DHRSX: variants seen among roughly 807,000 people sequenced by gnomAD.
The protein encoded by DHRSX is polyprenol dehydrogenase.
A neutral mutation model predicts 34.0 loss-of-function variants in DHRSX; 31 were observed. That is an observed-to-expected ratio of 0.91 (90% CI 0.69 to 1.23). The LOEUF is 1.23. Ranked by LOEUF, DHRSX falls within the 50% of genes most tolerant of loss-of-function variation. The pLI, the probability that DHRSX is intolerant of heterozygous loss-of-function variation, is 0.00. For synonymous variants in DHRSX, 201 were observed against 183.8 expected, an observed-to-expected ratio of 1.09 and a Z score of -0.76; for missense variants, 414 against 428.1, an observed-to-expected ratio of 0.97 and a Z score of 0.29.
chrX:2,249,002 G>C (rs2016369595), intron 5 of DHRSX, among the ~76,000 whole-genome samples: 1 of 151,996 alleles, frequency 6.6e-6, no homozygotes, highest in South Asian at 2.1e-4. Flanking sequence ...TTTGCAAGTT[G>C]ATTTTTCAGC....
intron 3 of DHRSX, among the ~76,000 whole-genome samples, chrX:2,391,048 T>A (rs2043330149): frequency 6.6e-6 from 1 of 152,228 alleles, no homozygotes; most frequent in Non-Finnish European, 1.5e-5. Flanking sequence ...TGCTTATCCA[T>A]TTGCTTCTGG....
chrX:2,298,612 A>ACACACACACACACACG lies in DHRSX; in HGVS notation c.287-7010_287-7009insCGTGTGTGTGTGTGTG, dbSNP rs1556457203. On this transcript the variant is annotated intron_variant, in intron 3 of 6. Coordinates refer to ENST00000334651, the MANE Select transcript of DHRSX (RefSeq NM_145177.3). ...TGCAGGCGCGTGTGTACACACACACACACACACACACACACACACACACAC... is the reference window on the plus strand; with the variant it reads ...TGCAGGCGCGTGTGTACACACACACACACACACACACACACGCACACACACACACACACACACACAC... 7.0e-5 allele frequency among the ~76,000 whole-genome samples: 4 copies of ACACACACACACACACG among 57,208 alleles called. No individual in the cohort carries two copies. The East Asian group carries it at 9.1e-4, about 13-fold the overall frequency. 37.5% of individuals were successfully genotyped at this position (57,208 alleles called of 152,430 possible).
At chrX:2,436,275 G>A (rs114169872) in intron 1 of DHRSX, among the ~76,000 whole-genome samples, 23,508 of 151,366 alleles carry the variant, frequency 0.16, 1,901 homozygotes, top group Non-Finnish European at 0.17. Context: ...TATGATTCCC[G>A]TTTGAACTGC....
At chrX:2,439,202 A>G (rs2044033864) in intron 1 of DHRSX, among the ~76,000 whole-genome samples, 1 of 152,076 alleles carries the variant, frequency 6.6e-6, no homozygotes, top group South Asian at 2.1e-4. Flanking sequence ...GTAAAATAAC[A>G]TAAAAGCTTA....
At chrX:2,395,697 T>TA (rs1324331852) in intron 3 of DHRSX, among the ~76,000 whole-genome samples, 5 of 151,840 alleles carry the variant, frequency 3.3e-5, no homozygotes, top group Non-Finnish European at 5.9e-5. Context: ...CACTTCAGAG[T>TA]GACACACGCA....
intron 3 of DHRSX, among the ~76,000 whole-genome samples, chrX:2,309,749 G>A (rs1283594942): frequency 6.6e-6 from 1 of 152,014 alleles, no homozygotes; most frequent in Admixed American, 6.6e-5. Flanking sequence ...CTCTACAAAA[G>A]GAAGTCATAA....
At chrX:2,491,197 G>GT (rs1337555221) in intron 1 of DHRSX, among the ~76,000 whole-genome samples, 1 of 151,032 alleles carries the variant, frequency 6.6e-6, no homozygotes. Flanking sequence ...AGCTTCCTCA[G>GT]TAGCTGGGAT....
chrX:2,346,854 G>C (rs369899946), intron 3 of DHRSX, among the ~76,000 whole-genome samples: 2 of 151,818 alleles, frequency 1.3e-5, no homozygotes, highest in Non-Finnish European at 2.9e-5. Flanking sequence ...CTGTGTCCAT[G>C]TGTTCTCATT....
intron 1 of DHRSX, among the ~76,000 whole-genome samples, chrX:2,431,669 A>T (rs1267482129): frequency 6.6e-6 from 1 of 152,174 alleles, no homozygotes; most frequent in Non-Finnish European, 1.5e-5. Flanking sequence ...GAAACTAAAT[A>T]TCAGACGTTC....
chrX:2,450,277 C>T (rs2044198439), intron 1 of DHRSX, among the ~76,000 whole-genome samples: 1 of 151,992 alleles, frequency 6.6e-6, no homozygotes, highest in Non-Finnish European at 1.5e-5. Context: ...TTTCTCAATG[C>T]TTAGGGAAAA....
chrX:2,334,067 C>A (rs1205092434), intron 3 of DHRSX, among the ~76,000 whole-genome samples: 5 of 151,558 alleles, frequency 3.3e-5, no homozygotes, highest in African/African-American at 7.3e-5. Flanking sequence ...CATTCATGTG[C>A]AAAAGTGTCT....
chrX:2,408,874 TGC>T, intron 2 of DHRSX, 61 bp from the exon 3 acceptor site: 1 of 1,259,924 alleles, frequency 7.9e-7, no homozygotes, highest in Admixed American at 2.8e-5. Flanking sequence ...AACTATTAAC[TGC>T]AAAAAAAAAA....
intron 4 of DHRSX, among the ~76,000 whole-genome samples, chrX:2,283,740 AATTCATTC>A (rs1241433957): frequency 2.0e-5 from 3 of 152,180 alleles, no homozygotes; most frequent in Non-Finnish European, 2.9e-5. Context: ...AACTCATTAG[AATTCATTC>A]ATTCATTTGA....
intron 3 of DHRSX, among the ~76,000 whole-genome samples, chrX:2,345,284 T>G (rs962196218): frequency 2.0e-4 from 31 of 152,122 alleles, no homozygotes; most frequent in African/African-American, 7.0e-4. Flanking sequence ...AATATCGAAA[T>G]CAGGAGACTT....
At chrX:2,395,876 C>T (rs1473634922) in intron 3 of DHRSX, among the ~76,000 whole-genome samples, 1 of 152,156 alleles carries the variant, frequency 6.6e-6, no homozygotes, top group African/African-American at 2.4e-5. Context: ...ACTAGATATT[C>T]TATTCCTGCC....
intron 1 of DHRSX, among the ~76,000 whole-genome samples, chrX:2,431,978 G>A (rs2043930087): frequency 6.6e-6 from 1 of 152,098 alleles, no homozygotes; most frequent in South Asian, 2.1e-4. Flanking sequence ...GGATCACGAG[G>A]TCAGGAGTTC....
chrX:2,315,347 A>G (rs1164874562), intron 3 of DHRSX, among the ~76,000 whole-genome samples: 2 of 152,118 alleles, frequency 1.3e-5, no homozygotes, highest in Non-Finnish European at 2.9e-5. Flanking sequence ...CGTGGGGTAC[A>G]GGGTGAGAAA....
At chrX:2,456,337 G>T (rs1251876134) in intron 1 of DHRSX, among the ~76,000 whole-genome samples, 1 of 152,136 alleles carries the variant, frequency 6.6e-6, no homozygotes, top group African/African-American at 2.4e-5. Context: ...GGTGCGGCCG[G>T]GCGCAGTGGC....
intron 3 of DHRSX, among the ~76,000 whole-genome samples, chrX:2,308,261 T>C (rs1295526710): frequency 2.0e-5 from 3 of 151,770 alleles, no homozygotes; most frequent in Admixed American, 1.3e-4. Flanking sequence ...TTACTGGTCA[T>C]GATATAAAGC....
Sources: gnomAD v4.1 joint callset for allele counts (sites outside exome capture counted in the v4.1 genomes callset) on GRCh38, gnomAD v4.1.1 for gene constraint, MANE v1.5 for transcripts, NCBI Gene and HGNC (gene_info 2026-07-23, HGNC 2026-07-21) for gene names.